GRK5: variants seen among roughly 807,000 people sequenced by gnomAD.
GRK5 encodes G protein-coupled receptor kinase 5.
In GRK5, 40 loss-of-function variants were observed where a neutral mutation model predicts 78.4. That is an observed-to-expected ratio of 0.51 (90% CI 0.40 to 0.66). The LOEUF is 0.66. GRK5 is among the 30% of genes least tolerant of loss of function. The pLI is 0.00. For missense variants in GRK5, 598 were observed against 759.9 expected, an observed-to-expected ratio of 0.79 and a Z score of 2.50; for synonymous variants, 289 against 296.8, an observed-to-expected ratio of 0.97 and a Z score of 0.27.
chr10:119,417,571 T>C (rs201780766), intron 4 of GRK5, among the ~76,000 whole-genome samples: 4 of 142,158 alleles, frequency 2.8e-5, no homozygotes, highest in African/African-American at 5.4e-5. Flanking sequence ...AGTCTCATCA[T>C]TGAAAATTCC....
intron 1 of GRK5, among the ~76,000 whole-genome samples, chr10:119,216,547 G>T (rs950793151): frequency 6.6e-6 from 1 of 152,224 alleles, no homozygotes; most frequent in Non-Finnish European, 1.5e-5. Flanking sequence ...AGTGGCTCAC[G>T]CCTGTAATCC....
At chr10:119,209,884 G>T (rs1253640180) in intron 1 of GRK5, among the ~76,000 whole-genome samples, 4 of 152,118 alleles carry the variant, frequency 2.6e-5, no homozygotes, top group Non-Finnish European at 5.9e-5. Context: ...TGAGCATTTG[G>T]TTGCTTCTTT....
At chr10:119,448,631 C>T (rs770561001) in intron 13 of GRK5, among the ~76,000 whole-genome samples, 45 of 152,300 alleles carry the variant, frequency 3.0e-4, no homozygotes, top group Non-Finnish European at 4.0e-4. Flanking sequence ...GGAATGCTTT[C>T]AAGAGCATTG....
In GRK5 at chr10:119,452,544, C is replaced by T; in HGVS notation, c.1405-127C>T. ...TGAGCCACACACCCTCCAGCCACTA[C>T]CCATAGCAGTTCTGGGGGTGTGTCC... On this transcript the variant is annotated intron_variant, in intron 13 of 15. Coordinates refer to ENST00000392870, the MANE Select transcript of GRK5 (RefSeq NM_005308.3). This position sits in a 1 kb window ranked among gnomAD's most constrained non-coding sequence, Gnocchi z 4.4. 1 of 1,121,638 alleles carries T rather than the reference C, an allele frequency of 8.9e-7. No homozygotes were observed. The highest frequency in any genetic ancestry group is 2.2e-5 in the Admixed American group (1 of 46,376). 69.5% of individuals were successfully genotyped at this position (1,121,638 alleles called of 1,614,324 possible).
chr10:119,439,634 A>G (rs2133904105), intron 9 of GRK5, 97 bp from the exon 10 acceptor site: 1 of 1,121,448 alleles, frequency 8.9e-7, no homozygotes, highest in Non-Finnish European at 1.4e-6. Context: ...CACTGTGGCC[A>G]CTCAGGCCTG....
intron 1 of GRK5, among the ~76,000 whole-genome samples, chr10:119,275,613 G>GCGCACACACACACACACA (rs1195537574): frequency 5.5e-4 from 66 of 120,756 alleles, no homozygotes; most frequent in Non-Finnish European, 8.4e-4. Context: ...TCTCTCTCTC[G>GCGCACACACACACACACA]CACACACACA....
chr10:119,388,369 C>G (rs932928607), intron 3 of GRK5, among the ~76,000 whole-genome samples: 1 of 152,220 alleles, frequency 6.6e-6, no homozygotes, highest in African/African-American at 2.4e-5. Context: ...CAGAGTCTCA[C>G]TCTTTTGCCC....
At chr10:119,446,634 G>A (rs953612068) in intron 12 of GRK5, among the ~76,000 whole-genome samples, 1 of 152,248 alleles carries the variant, frequency 6.6e-6, no homozygotes, top group African/African-American at 2.4e-5. Flanking sequence ...CCCCCAGAGA[G>A]AGAAGCAGAG....
intron 2 of GRK5, 34 bp from the exon 3 acceptor site, chr10:119,380,781 G>C (rs1397969881): frequency 2.2e-6 from 3 of 1,374,322 alleles, no homozygotes; most frequent in Non-Finnish European, 3.1e-6. Flanking sequence ...GCCTTCTCCT[G>C]GGTCTCATCA....
chr10:119,270,496 A>T (rs182251425), intron 1 of GRK5, among the ~76,000 whole-genome samples: 117 of 152,376 alleles, frequency 7.7e-4, no homozygotes, highest in Middle Eastern at 3.4e-3. Context: ...TGGGCTTTAT[A>T]CAAATACTAC....
At chr10:119,269,832 TAAAAAAA>T (rs1158379424) in intron 1 of GRK5, among the ~76,000 whole-genome samples, 2 of 96,148 alleles carry the variant, frequency 2.1e-5, no homozygotes, top group African/African-American at 8.0e-5. Flanking sequence ...GACTCCATCT[TAAAAAAA>T]AAAAAAAAAA....
At position 119,453,255 on chromosome 10, in the gene GRK5, C is replaced by T. The variant is rs1223158035; in HGVS notation, c.1653C>T (p.Leu551=). The change falls in exon 15 of 16, where the codon CTC becomes CTT. Residue 551 remains leucine (L), a synonymous_variant. Coordinates refer to ENST00000392870, the MANE Select transcript of GRK5 (RefSeq NM_005308.3). ...CGGAACCGCCCAAGAAAGGGCTGCT[C>T]CAGAGACTCTTCAAGCGGCAGGTGA... ...HPPEPPKKGL[L]QRLFKRQHQN... 4 of 1,613,952 alleles carry T rather than the reference C, an allele frequency of 2.5e-6. No individual in the cohort carries two copies. Among genetic ancestry groups the T allele is most frequent in the African/African-American group, 2.7e-5 (2 of 74,912 alleles).
intron 2 of GRK5, among the ~76,000 whole-genome samples, chr10:119,339,898 T>C (rs1850955396): frequency 6.6e-6 from 1 of 152,090 alleles, no homozygotes. Context: ...TCTGTCTCTA[T>C]TAAACAAAAA....
chr10:119,261,413 G>T (rs1849396943), intron 1 of GRK5, among the ~76,000 whole-genome samples: 2 of 149,290 alleles, frequency 1.3e-5, no homozygotes, highest in Admixed American at 1.3e-4. Flanking sequence ...TCACTTTCCA[G>T]ACTGGGCAGC....
rs112918277 is a variant in GRK5 at position 119,354,993 on chromosome 10, A to G, written c.149-25822A>G. Reference sequence around the variant, plus strand: ...ATGAATGCTCGAGTCCCTGATATAAAATAGTATATTTGCATATAACCAATG... The same window carrying G: ...ATGAATGCTCGAGTCCCTGATATAAGATAGTATATTTGCATATAACCAATG... On this transcript the variant is annotated intron_variant, in intron 2 of 15. Transcript: ENST00000392870. 4.5e-3 allele frequency among the ~76,000 whole-genome samples: 680 copies of G among 152,288 alleles called. 3 individuals carry two copies. The highest frequency in any genetic ancestry group is 0.016 in the African/African-American group (659 of 41,558).
intron 4 of GRK5, among the ~76,000 whole-genome samples, chr10:119,406,071 G>C (rs1280297724): frequency 2.0e-5 from 3 of 152,180 alleles, no homozygotes; most frequent in African/African-American, 7.2e-5. Context: ...GTGAATGTGA[G>C]AGCCCTGATG....
chr10:119,374,966 T>G (rs1463236738), intron 2 of GRK5, among the ~76,000 whole-genome samples: 3 of 152,182 alleles, frequency 2.0e-5, no homozygotes, highest in African/African-American at 7.2e-5. Flanking sequence ...ATGAGCCAAT[T>G]AAACGTGTTT....
chr10:119,294,884 A>G (rs561431542), intron 1 of GRK5, among the ~76,000 whole-genome samples: 17 of 152,268 alleles, frequency 1.1e-4, no homozygotes, highest in African/African-American at 3.6e-4. Context: ...CTTTATAGAA[A>G]AAGTCTGGGC....
intron 2 of GRK5, among the ~76,000 whole-genome samples, chr10:119,355,790 A>T (rs1006327600): frequency 1.3e-5 from 1 of 78,520 alleles, no homozygotes; most frequent in African/African-American, 3.9e-5. Context: ...CACAACAACA[A>T]CAACAACAAC....
Sources: gnomAD v4.1 joint callset for allele counts (sites outside exome capture counted in the v4.1 genomes callset) on GRCh38, gnomAD v4.1.1 for gene constraint, Gnocchi (gnomAD v3.1) non-coding constraint, MANE v1.5 for transcripts, NCBI Gene and HGNC (gene_info 2026-07-23, HGNC 2026-07-21) for gene names.